The following PTBP2 variants were observed in gnomAD, a reference collection of about 807,000 sequenced individuals.
The protein encoded by PTBP2 is polypyrimidine tract binding protein 2.
In PTBP2, 13 loss-of-function variants were observed where a neutral mutation model predicts 61.4. That is an observed-to-expected ratio of 0.21 (90% CI 0.14 to 0.34). PTBP2 has a LOEUF of 0.34. Ranked by LOEUF, PTBP2 falls within the 10% of genes least tolerant of loss-of-function variation. PTBP2 has a pLI of 1.00. For missense variants in PTBP2, 405 were observed against 642.6 expected (o/e 0.63, Z 4.00); for synonymous variants, 215 against 218.5 (o/e 0.98, Z 0.14).
At chr1:96,788,215 A>AT (rs1311452227) in intron 8 of PTBP2, among the ~76,000 whole-genome samples, 4 of 152,158 alleles carry the variant, frequency 2.6e-5, no homozygotes, top group African/African-American at 4.8e-5. Context: ...GGTAATTCTT[A>AT]TAAAATGCAT....
rs1662230816 is a variant in PTBP2, at chr1:96,813,083, T to C, written c.1443T>C (p.Thr481=). 3 of 1,612,376 alleles carry C rather than the reference T, an allele frequency of 1.9e-6. No individual in the cohort carries two copies. Among genetic ancestry groups the C allele is most frequent in the Admixed American group, 1.7e-5 (1 of 59,928 alleles). The change falls in exon 13 of 14, where the codon ACT becomes ACC. Residue 481 remains threonine, a synonymous_variant. Coordinates refer to ENST00000674951, the MANE Select transcript of PTBP2 (RefSeq NM_021190.4). ...LRTLFANTGG[T]VKAFKFFQDH... ...CACTGTTCGCTAACACTGGGGGCAC[T>C]GTGAAAGCATTTAAGTTTTTTCAGT... is the stretch of plus-strand genomic sequence containing the variant.
chr1:96,778,640 CATT>C lies in PTBP2; in HGVS notation c.708+699_708+701del, dbSNP rs1256710998. ...TAGTATCTCATTATTATTACTATTC[CATT>C]ATTAAGCCATTAAAAATTCATTATT... On this transcript the variant is annotated intron_variant, in intron 7 of 13. Transcript: ENST00000674951. Among the ~76,000 whole-genome samples, 4 of 152,050 alleles carry C rather than the reference CATT, an allele frequency of 2.6e-5. No homozygotes were observed. The East Asian group carries it at 7.7e-4, about 29-fold the overall frequency.
intron 5 of PTBP2, among the ~76,000 whole-genome samples, chr1:96,775,632 C>G (rs1404916956): frequency 1.3e-5 from 2 of 152,000 alleles, no homozygotes; most frequent in Non-Finnish European, 2.9e-5. Flanking sequence ...AATTATTTCA[C>G]AGAGATGTCC....
chr1:96,739,825 A>T (rs1162813501), intron 2 of PTBP2, among the ~76,000 whole-genome samples: 1 of 151,112 alleles, frequency 6.6e-6, no homozygotes, highest in Non-Finnish European at 1.5e-5. Context: ...ACGGGGTTTC[A>T]CTGTAGCCAG....
At chr1:96,771,988 G>A (rs145268424) in intron 5 of PTBP2, among the ~76,000 whole-genome samples, 2 of 152,250 alleles carry the variant, frequency 1.3e-5, no homozygotes, top group Non-Finnish European at 2.9e-5. Flanking sequence ...AAATGTGGGG[G>A]AATTTTTTTC....
chr1:96,774,753 C>T (rs927915073), intron 5 of PTBP2, among the ~76,000 whole-genome samples: 1 of 152,138 alleles, frequency 6.6e-6, no homozygotes, highest in African/African-American at 2.4e-5. Context: ...CAGTACGTAT[C>T]TTTCTCAAAT....
chr1:96,788,711 A>G (rs888244491), intron 8 of PTBP2, among the ~76,000 whole-genome samples: 9 of 152,048 alleles, frequency 5.9e-5, no homozygotes, highest in Admixed American at 6.5e-5. Context: ...TTTACCTTGT[A>G]TGATTTTTAT....
rs201262006 is a variant in PTBP2, at chr1:96,812,935, A to G, written c.1388+7A>G. 95 of 1,603,866 alleles carry G rather than the reference A, an allele frequency of 5.9e-5. No homozygotes were observed. Among genetic ancestry groups the G allele is most frequent in the Middle Eastern group, 3.3e-4 (2 of 6,038 alleles). ...TTCACCTATCTAATATCCCGTAAGTATATAAGCTAGAGTGTATTGAGATAC... is the reference window on the plus strand; with the variant it reads ...TTCACCTATCTAATATCCCGTAAGTGTATAAGCTAGAGTGTATTGAGATAC... On this transcript the variant is annotated splice_region_variant and intron_variant, in intron 12 of 13. Transcript: ENST00000674951.
chr1:96,808,919 A>T (rs953327717), intron 11 of PTBP2, among the ~76,000 whole-genome samples: 65 of 152,318 alleles, frequency 4.3e-4, no homozygotes, highest in African/African-American at 1.5e-3. Flanking sequence ...TTAGCTATAT[A>T]CTTTTTACAA....
At chr1:96,818,185 AAG>A (rs1253356187), downstream of PTBP2, 15 of 152,098 alleles carry the variant, frequency 9.9e-5, no homozygotes, top group African/African-American at 3.6e-4. Flanking sequence ...AATGGACAGA[AAG>A]ACTATGTGGC....
At chr1:96,762,683 C>T (rs1448329965) in intron 3 of PTBP2, among the ~76,000 whole-genome samples, 5 of 150,560 alleles carry the variant, frequency 3.3e-5, no homozygotes, top group Admixed American at 1.3e-4. Flanking sequence ...GACCCCCCCA[C>T]CTCCCTCCTG....
intron 2 of PTBP2, among the ~76,000 whole-genome samples, chr1:96,733,063 C>T (rs1425277668): frequency 6.8e-6 from 1 of 147,400 alleles, no homozygotes; most frequent in African/African-American, 2.5e-5. Context: ...TGTAACAACA[C>T]AAAGTATTAT....
chr1:96,804,800 C>G lies in PTBP2; in HGVS notation c.905C>G (p.Ala302Gly). ...AAFAKETSLLAVPGALSPLAI... is the reference protein window; with the variant it reads ...AAFAKETSLLGVPGALSPLAI... ...TTAAAATTAGGGCTTCCTGTTGCAGCTGTTCCAGGAGCTCTGAGTCCTTTG... is the reference window on the plus strand; with the variant it reads ...TTAAAATTAGGGCTTCCTGTTGCAGGTGTTCCAGGAGCTCTGAGTCCTTTG... Residue 302 changes from alanine to glycine, a missense_variant and splice_region_variant, in exon 9 of 14, where the codon GCT becomes GGT. Coordinates refer to ENST00000674951, the MANE Select transcript of PTBP2 (RefSeq NM_021190.4). The G allele has an allele frequency of 2.5e-6, 4 of 1,592,308 alleles. No homozygotes were observed. The highest frequency in any genetic ancestry group is 3.4e-6 in the Non-Finnish European group (4 of 1,170,636).
chr1:96,787,277 C>G (rs950064049), intron 8 of PTBP2, among the ~76,000 whole-genome samples: 9 of 152,138 alleles, frequency 5.9e-5, no homozygotes, highest in African/African-American at 2.2e-4. Flanking sequence ...CCGCCTCAGC[C>G]TCCCAAAGTG....
At position 96,751,479 on chromosome 1, in the gene PTBP2, A is replaced by T; in HGVS notation, c.94A>T (p.Met32Leu). Residue 32 changes from methionine to leucine, a missense_variant, in exon 3 of 14, where the codon ATG (methionine) becomes TTG (leucine). Physicochemically the swap from Met to Leu is conservative, Grantham distance 15. This residue lies in a region of PTBP2 where 342 missense variants were observed against 491.2 expected (regional missense o/e 0.70). Transcript: ENST00000674951. ...TGTTCTCAGTAGTCCGAACTCTAAT[A>T]TGAGCAGCATGGTAGTTACAGGTAA... is the stretch of plus-strand genomic sequence containing the variant. Reference protein sequence around the residue: ...GSVLSSPNSNMSSMVVTANGN... With the variant: ...GSVLSSPNSNLSSMVVTANGN... 1 of 1,612,804 alleles carries T rather than the reference A, an allele frequency of 6.2e-7. No homozygotes were observed. The highest frequency in any genetic ancestry group is 8.5e-7 in the Non-Finnish European group (1 of 1,179,014).
chr1:96,744,398 G>A (rs567806199), intron 2 of PTBP2, among the ~76,000 whole-genome samples: 1 of 152,200 alleles, frequency 6.6e-6, no homozygotes, highest in East Asian at 1.9e-4. Context: ...TGGGGAGAAA[G>A]ATTATAGTCC....
At chr1:96,760,594 C>T (rs554247858) in intron 3 of PTBP2, among the ~76,000 whole-genome samples, 51 of 151,816 alleles carry the variant, frequency 3.4e-4, no homozygotes, top group Admixed American at 8.5e-4. Flanking sequence ...TACAGGTGCA[C>T]GCCACCACAC....
At chr1:96,788,258 G>A (rs368332445) in intron 8 of PTBP2, among the ~76,000 whole-genome samples, 7 of 152,074 alleles carry the variant, frequency 4.6e-5, no homozygotes, top group African/African-American at 1.2e-4. Context: ...TTTTGGATGA[G>A]CCAAGCCTTC....
At chr1:96,783,768 C>T (rs1163355695) in intron 7 of PTBP2, among the ~76,000 whole-genome samples, 1 of 151,998 alleles carries the variant, frequency 6.6e-6, no homozygotes, top group Non-Finnish European at 1.5e-5. Context: ...CACCTTTACA[C>T]CAGGGTATTC....
Sources: gnomAD v4.1 joint callset for allele counts (sites outside exome capture counted in the v4.1 genomes callset) on GRCh38, gnomAD v4.1.1 for gene constraint, gnomAD v4.1.1 regional missense constraint, MANE v1.5 for transcripts, NCBI Gene and HGNC (gene_info 2026-07-23, HGNC 2026-07-21) for gene names.